THBS4: variants seen among roughly 807,000 people sequenced by gnomAD.
THBS4 encodes the protein thrombospondin-4.
In THBS4, 90 loss-of-function variants were observed where a neutral mutation model predicts 115.7. The observed-to-expected ratio is 0.78, with a 90% CI of 0.66 to 0.93. The LOEUF (loss-of-function observed/expected upper bound fraction) is 0.93, where lower values mean the gene tolerates loss of function less well. THBS4 is among the 40% of genes least tolerant of loss of function. The pLI is 0.00. For missense variants in THBS4, 1,087 were observed against 1,232.7 expected (o/e 0.88, Z 1.77); for synonymous variants, 460 against 479.3 (o/e 0.96, Z 0.53).
intron 2 of THBS4, among the ~76,000 whole-genome samples, chr5:80,004,165 A>G (rs1831968079): frequency 6.6e-6 from 1 of 152,230 alleles, no homozygotes; most frequent in South Asian, 2.1e-4. Flanking sequence ...AGCTGAAACT[A>G]GAAGCCAGGT....
chr5:80,049,826 A>G (rs1244582840), intron 2 of THBS4, among the ~76,000 whole-genome samples: 2 of 152,318 alleles, frequency 1.3e-5, no homozygotes, highest in Non-Finnish European at 2.9e-5. Flanking sequence ...GCTTGCTTTG[A>G]GGAGGCAATA....
rs1167059462 is a variant in THBS4, at chr5:80,082,370, A to G, written c.2685-36A>G. 4 of 1,609,608 alleles carry G rather than the reference A, an allele frequency of 2.5e-6. No individual in the cohort carries two copies. The East Asian group carries it at 8.9e-5, about 36-fold the overall frequency. The stretch of plus-strand genomic sequence containing the variant: ...CAGTGGGCACTTTACCCCGGGTTGG[A>G]TTTCATGGAGGCCCCTCCGGCCGTG... On this transcript the variant is annotated intron_variant, in intron 20 of 21. Coordinates refer to ENST00000350881, the MANE Select transcript of THBS4 (RefSeq NM_003248.6).
rs1171721362 is a variant in THBS4, at chr5:80,071,653, CAT to C, written c.1720+475_1720+476del. 3.0e-4 allele frequency: 23 copies of C among 75,784 alleles called. No individual in the cohort carries two copies. The South Asian group carries it at 3.2e-3, about 11-fold the overall frequency. 4.7% of individuals were successfully genotyped at this position (75,784 alleles called of 1,614,324 possible). A position where few individuals can be genotyped will look rare whatever the true frequency, so the allele number is the denominator to read the frequency against. ...GAAATACCACCTGCCCCAACACACA[CAT>C]ACACACACACACACACACACACACA... On this transcript the variant is annotated intron_variant, in intron 13 of 21. Coordinates refer to ENST00000350881, the MANE Select transcript of THBS4 (RefSeq NM_003248.6).
chr5:79,994,156 C>G (rs1231582167), intron 1 of THBS4, among the ~76,000 whole-genome samples: 1 of 152,214 alleles, frequency 6.6e-6, no homozygotes, highest in Non-Finnish European at 1.5e-5. Flanking sequence ...GAAGTTGTTT[C>G]AAGTATCTAA....
At chr5:80,020,307 C>G (rs1580916350) in intron 2 of THBS4, among the ~76,000 whole-genome samples, 1 of 152,040 alleles carries the variant, frequency 6.6e-6, no homozygotes, top group African/African-American at 2.4e-5. Context: ...CCCGTCTCTG[C>G]TAAAAATACA....
At chr5:80,039,998 A>T in intron 1 of THBS4, 79 bp from the exon 2 acceptor site, 95 of 1,193,940 alleles carry the variant, frequency 8.0e-5, no homozygotes, top group Non-Finnish European at 1.1e-4. Flanking sequence ...GTCAAATTGC[A>T]CCCCCCCCAA....
In THBS4 at chr5:80,004,078, T is replaced by C. The variant is rs557148237; in HGVS notation, n.177+5651T>C. On this transcript the variant is annotated intron_variant and non_coding_transcript_variant, in intron 2 of 3. Transcript: ENST00000510218. Reference sequence around the variant, plus strand: ...CTAAGCGTTACAGCCAAAAGGGTTCTGAAAATCTCCTAGTCAGATTCCTCA... The same window carrying C: ...CTAAGCGTTACAGCCAAAAGGGTTCCGAAAATCTCCTAGTCAGATTCCTCA... Among the ~76,000 whole-genome samples the C allele has an allele frequency of 2.0e-5, 3 of 152,306 alleles. No homozygotes were observed. In the South Asian group the frequency reaches 6.2e-4, roughly 32 times the overall value.
At chr5:80,063,476 T>C (rs1833708790) in intron 8 of THBS4, among the ~76,000 whole-genome samples, 1 of 152,216 alleles carries the variant, frequency 6.6e-6, no homozygotes, top group Non-Finnish European at 1.5e-5. Flanking sequence ...TGTTCTCCCA[T>C]TCTGTAGGTT....
chr5:80,012,314 G>C (rs1407576328), intron 2 of THBS4, among the ~76,000 whole-genome samples: 1 of 152,162 alleles, frequency 6.6e-6, no homozygotes, highest in Non-Finnish European at 1.5e-5. Flanking sequence ...AAGATTATCA[G>C]TAGCCTGTGA....
intron 2 of THBS4, among the ~76,000 whole-genome samples, chr5:80,047,143 G>A (rs1833092284): frequency 6.6e-6 from 1 of 152,168 alleles, no homozygotes; most frequent in African/African-American, 2.4e-5. Context: ...CCGAATGAAT[G>A]AATGAACAGA....
At chr5:80,029,999 T>G (rs896370302) in intron 2 of THBS4, among the ~76,000 whole-genome samples, 1 of 151,998 alleles carries the variant, frequency 6.6e-6, no homozygotes, top group Admixed American at 6.6e-5. Context: ...CTACTTTGAA[T>G]TGCACACTAA....
At chr5:80,072,685 G>C (rs1834113386) in intron 14 of THBS4, 1 of 384,652 alleles carries the variant, frequency 2.6e-6, no homozygotes, top group African/African-American at 2.0e-5. Context: ...GGAAAACGGA[G>C]CATGGAAATT....
chr5:80,045,691 C>T (rs976849545), intron 2 of THBS4, among the ~76,000 whole-genome samples: 1 of 152,034 alleles, frequency 6.6e-6, no homozygotes, highest in Non-Finnish European at 1.5e-5. Flanking sequence ...CCACCAGACC[C>T]AGCTAATTTT....
chr5:80,005,347 G>A (rs1449445047), intron 2 of THBS4, among the ~76,000 whole-genome samples: 1 of 152,156 alleles, frequency 6.6e-6, no homozygotes, highest in African/African-American at 2.4e-5. Flanking sequence ...ATTTCCGTGT[G>A]TAATACAAAT....
At chr5:80,011,557 A>G (rs1305996308) in intron 2 of THBS4, among the ~76,000 whole-genome samples, 1 of 152,204 alleles carries the variant, frequency 6.6e-6, no homozygotes, top group African/African-American at 2.4e-5. Flanking sequence ...CACTTCATTG[A>G]GGAAAGCAAC....
At position 80,017,437 on chromosome 5, in the gene THBS4, A is replaced by G. The variant is rs256449; in HGVS notation, n.177+19010A>G. Among the ~76,000 whole-genome samples, 175 of 152,246 alleles carry G rather than the reference A, an allele frequency of 1.1e-3. 1 individual carries two copies. In the East Asian group the frequency reaches 0.028, roughly 24 times the overall value. On this transcript the variant is annotated intron_variant and non_coding_transcript_variant, in intron 2 of 3. Coordinates refer to the THBS4 transcript ENST00000510218. Reference sequence around the variant, plus strand: ...TTTTTAAATAATGCATCCTCTGTCTATTCATTTGAGGTTAACCCAAATATT... The same window carrying G: ...TTTTTAAATAATGCATCCTCTGTCTGTTCATTTGAGGTTAACCCAAATATT...
At chr5:80,070,044 T>C (rs1833975876) in intron 10 of THBS4, among the ~76,000 whole-genome samples, 2 of 152,160 alleles carry the variant, frequency 1.3e-5, no homozygotes, top group Admixed American at 6.5e-5. Context: ...CCTCCTCCCA[T>C]CTCCCTTCTG....
At chr5:80,038,406 G>T (rs555104922) in intron 1 of THBS4, among the ~76,000 whole-genome samples, 1 of 152,110 alleles carries the variant, frequency 6.6e-6, no homozygotes, top group African/African-American at 2.4e-5. Context: ...GTAGTATTCT[G>T]CTTTTTGGAA....
chr5:80,037,040 C>T (rs1349048295), intron 1 of THBS4, among the ~76,000 whole-genome samples: 1 of 152,162 alleles, frequency 6.6e-6, no homozygotes, highest in Non-Finnish European at 1.5e-5. Flanking sequence ...GTAGTCCGTG[C>T]CCCATACTTC....
Sources: allele counts gnomAD v4.1 joint callset (sites outside exome capture counted in the v4.1 genomes callset), GRCh38; gene constraint gnomAD v4.1.1; transcripts MANE v1.5; gene names NCBI Gene and HGNC (gene_info 2026-07-23, HGNC 2026-07-21).